The following ACSL1 variants were observed in gnomAD, a reference collection of about 807,000 sequenced individuals.
ACSL1 encodes acyl-CoA synthetase long chain family member 1, also known as long-chain-fatty-acid--CoA ligase 1.
Under a neutral mutation model 98.4 loss-of-function variants are expected in ACSL1, and 41 were observed. That is an observed-to-expected ratio of 0.42 (90% confidence interval 0.32 to 0.54). The LOEUF (loss-of-function observed/expected upper bound fraction) is 0.54, where lower values mean the gene tolerates loss of function less well. Ranked by LOEUF, ACSL1 falls within the 20% of genes least tolerant of loss-of-function variation. The pLI, the probability that ACSL1 is intolerant of heterozygous loss-of-function variation, is 0.13. For synonymous variants in ACSL1, 316 were observed against 322.7 expected (o/e 0.98, Z 0.22); for missense variants, 734 against 883.1 (o/e 0.83, Z 2.14).
intron 1 of ACSL1, among the ~76,000 whole-genome samples, chr4:184,813,111 C>T (rs948727358): frequency 3.9e-5 from 6 of 152,180 alleles, no homozygotes; most frequent in African/African-American, 1.4e-4. Context: ...TCATGTACAT[C>T]CACTTGAGAA....
At position 184,815,491 on chromosome 4, in the gene ACSL1, G is replaced by T. The variant is rs562145391; in HGVS notation, c.-33+10425C>A. On this transcript the variant is annotated intron_variant, in intron 1 of 20. Coordinates refer to ENST00000281455, the MANE Select transcript of ACSL1 (RefSeq NM_001995.5). ...CTGTCCCCTCCAGGACCCAGGCCTG[G>T]GGGGGGAAACTGGGAAGAGTAAGAC... Among the ~76,000 whole-genome samples, 7 of 149,842 alleles carry T rather than the reference G, an allele frequency of 4.7e-5. No homozygotes were observed. The South Asian group carries it at 6.2e-4, about 13-fold the overall frequency.
At chr4:184,815,946 C>T (rs1772590355) in intron 1 of ACSL1, among the ~76,000 whole-genome samples, 1 of 152,026 alleles carries the variant, frequency 6.6e-6, no homozygotes, top group Non-Finnish European at 1.5e-5. Flanking sequence ...CATGGCGAAA[C>T]TCCATCTCTA....
At chr4:184,808,609 T>G in intron 1 of ACSL1, 1 of 590,572 alleles carries the variant, frequency 1.7e-6, no homozygotes, top group Non-Finnish European at 2.1e-6. Context: ...TGTCATTCAC[T>G]AGCTGGGCAG....
At chr4:184,778,898 C>T (rs1205708064) in intron 5 of ACSL1, among the ~76,000 whole-genome samples, 3 of 151,930 alleles carry the variant, frequency 2.0e-5, no homozygotes, top group African/African-American at 7.3e-5. Flanking sequence ...ATGCTGTTTT[C>T]CCCTTGAAAG....
chr4:184,781,613 T>C (rs1766287551), intron 4 of ACSL1, among the ~76,000 whole-genome samples: 1 of 152,028 alleles, frequency 6.6e-6, no homozygotes, highest in Non-Finnish European at 1.5e-5. Context: ...GTTTCTTTCT[T>C]TTTTTTTCTT....
rs746921425 is a variant in ACSL1 at position 184,788,546 on chromosome 4, T to C, written c.310+71A>G. Reference sequence around the variant, plus strand: ...GGCGAAAGATAGGAGCAAATGTGCATTTCTGAAAGGCCACTCGTTCTTCAT... The same window carrying C: ...GGCGAAAGATAGGAGCAAATGTGCACTTCTGAAAGGCCACTCGTTCTTCAT... On this transcript the variant is annotated intron_variant, in intron 3 of 20. Coordinates refer to ENST00000281455, the MANE Select transcript of ACSL1 (RefSeq NM_001995.5). 9 of 1,250,464 alleles carry C rather than the reference T, an allele frequency of 7.2e-6. 1 individual carries two copies. The Admixed American group carries it at 1.2e-4, about 16-fold the overall frequency. 77.5% of individuals were successfully genotyped at this position (1,250,464 alleles called of 1,614,324 possible).
rs34391801 is a variant in ACSL1 at position 184,786,692 on chromosome 4, C to CT, written c.310+1924dup. Among the ~76,000 whole-genome samples the CT allele has an allele frequency of 1.0e-3, 130 of 123,810 alleles. 1 individual carries two copies. The highest frequency in any genetic ancestry group is 2.4e-3 in the African/African-American group (83 of 34,046). 81.2% of individuals were successfully genotyped at this position (123,810 alleles called of 152,430 possible). On this transcript the variant is annotated intron_variant, in intron 3 of 20. Coordinates refer to ENST00000281455, the MANE Select transcript of ACSL1 (RefSeq NM_001995.5). ...TCAAGTAAAAAACAATAGGCACTTT[C>CT]TTTTTTTTTTTTTTTTTTTGAGACG...
At position 184,756,949 on chromosome 4, in the gene ACSL1, G is replaced by A. The variant is rs1337650242; in HGVS notation, c.*176C>T. ...ACATGGTCTGCAACATGAGGTGACTGTAAGGCAGTGTTCTCTTTCCTCTAG... is the reference window on the plus strand; with the variant it reads ...ACATGGTCTGCAACATGAGGTGACTATAAGGCAGTGTTCTCTTTCCTCTAG... On this transcript the variant is annotated 3_prime_UTR_variant, in exon 21 of 21. Transcript: ENST00000281455. 8 of 719,026 alleles carry A rather than the reference G, an allele frequency of 1.1e-5. No homozygotes were observed. Among genetic ancestry groups the A allele is most frequent in the South Asian group, 2.9e-5 (1 of 34,220 alleles). 44.5% of individuals were successfully genotyped at this position (719,026 alleles called of 1,614,324 possible).
rs1045900840 is a variant in ACSL1, at chr4:184,763,353, C to T, written c.1433-98G>A. On this transcript the variant is annotated intron_variant, in intron 15 of 20. Coordinates refer to ENST00000281455, the MANE Select transcript of ACSL1 (RefSeq NM_001995.5). ...CAAACAGGATTCCACATAAGAAAAA[C>T]GGCTGGGATAAACTTCTGATTTCTG... 4.1e-5 allele frequency: 45 copies of T among 1,108,648 alleles called. No individual in the cohort carries two copies. In the African/African-American group the frequency reaches 4.6e-4, roughly 11 times the overall value. 68.7% of individuals were successfully genotyped at this position (1,108,648 alleles called of 1,614,324 possible).
chr4:184,824,257 C>T lies in ACSL1; in HGVS notation c.-33+1659G>A, dbSNP rs150127991. Among the ~76,000 whole-genome samples, 119 of 152,210 alleles carry T rather than the reference C, an allele frequency of 7.8e-4. No homozygotes were observed. In the East Asian group the frequency reaches 0.017, roughly 22 times the overall value. On this transcript the variant is annotated intron_variant, in intron 1 of 20. Transcript: ENST00000281455. ...TCTCCTGGCTCAGCCTCTCGAGTAGCTGGGACTAGAGATGCATGCCACCAC... is the reference window on the plus strand; with the variant it reads ...TCTCCTGGCTCAGCCTCTCGAGTAGTTGGGACTAGAGATGCATGCCACCAC...
chr4:184,780,977 G>A (rs1766148859), intron 4 of ACSL1, among the ~76,000 whole-genome samples: 2 of 151,744 alleles, frequency 1.3e-5, no homozygotes, highest in African/African-American at 4.9e-5. Flanking sequence ...GGTGGTTCAC[G>A]CCTATAATCC....
intron 2 of ACSL1, among the ~76,000 whole-genome samples, chr4:184,800,372 C>T (rs746641383): frequency 6.6e-6 from 1 of 152,166 alleles, no homozygotes; most frequent in Non-Finnish European, 1.5e-5. Flanking sequence ...TTAACTGCAA[C>T]CACGTGTGTC....
chr4:184,810,730 T>C (rs932556467), intron 1 of ACSL1, among the ~76,000 whole-genome samples: 12 of 152,040 alleles, frequency 7.9e-5, no homozygotes, highest in Middle Eastern at 3.4e-3. Flanking sequence ...GCGGATAGGA[T>C]AGGATAGGAT....
chr4:184,803,259 G>GCTCA lies in ACSL1; in HGVS notation c.195+57_195+60dup. ...CTTGATGGCTATCACATTCAACAGG[G>GCTCA]CTCAGCTCATCTGGGGAAATGCGGA... On this transcript the variant is annotated intron_variant, in intron 2 of 20. Coordinates refer to ENST00000281455, the MANE Select transcript of ACSL1 (RefSeq NM_001995.5). The surrounding 1 kb of genome is among the most constrained non-coding windows in gnomAD (Gnocchi z 4.8). 7.2e-7 allele frequency: 1 copy of GCTCA among 1,385,572 alleles called. No homozygotes were observed. Among genetic ancestry groups the GCTCA allele is most frequent in the Non-Finnish European group, 9.7e-7 (1 of 1,033,726 alleles). The allele number at this position is 1,385,572 out of a possible 1,614,324, so 85.8% of individuals were successfully genotyped here. A position where few individuals can be genotyped will look rare whatever the true frequency, so the allele number is the denominator to read the frequency against.
rs59005386 is a variant in ACSL1 at position 184,767,283 on chromosome 4, C to CAA, written c.1129-529_1129-528dup. ...GATGACAGAGAGAGAGACCCTGTCTCAAAAAAAAAAAAAAAAAAGGAATGG... is the reference window on the plus strand; with the variant it reads ...GATGACAGAGAGAGAGACCCTGTCTCAAAAAAAAAAAAAAAAAAAAGGAATGG... On this transcript the variant is annotated intron_variant, in intron 12 of 20. Transcript: ENST00000281455. Among the ~76,000 whole-genome samples the CAA allele has an allele frequency of 3.5e-3, 336 of 95,500 alleles. 1 individual carries two copies. Among genetic ancestry groups the CAA allele is most frequent in the Non-Finnish European group, 5.4e-3 (266 of 49,100 alleles). 62.7% of individuals were successfully genotyped at this position (95,500 alleles called of 152,430 possible).
At chr4:184,774,364 T>C (rs1049153844) in intron 7 of ACSL1, among the ~76,000 whole-genome samples, 3 of 152,188 alleles carry the variant, frequency 2.0e-5, no homozygotes, top group East Asian at 1.9e-4. Context: ...CTCTGCTCGA[T>C]TGAAATGCTA....
rs746847749 is a variant in ACSL1, at chr4:184,803,453, T to C, written c.62A>G (p.Tyr21Cys). The part of the protein sequence containing the change: ...RMPELVDFRQ[Y>C]VRTLPTNTLM... Reference sequence around the variant, plus strand: ...CGTGTTGGTCGGAAGAGTACGCACGTACTGTCGGAAGTCAACCAGCTCTGG... The same window carrying C: ...CGTGTTGGTCGGAAGAGTACGCACGCACTGTCGGAAGTCAACCAGCTCTGG... Residue 21 changes from tyrosine (Y) to cysteine (C), a missense_variant, in exon 2 of 21, where the codon TAC becomes TGC. Physicochemically the swap from Tyr to Cys is radical, Grantham distance 194 (BLOSUM62 -2). Transcript: ENST00000281455. This position sits in a 1 kb window ranked among gnomAD's most constrained non-coding sequence, Gnocchi z 4.8. 12 of 1,613,204 alleles carry C rather than the reference T, an allele frequency of 7.4e-6. No homozygotes were observed. Among genetic ancestry groups the C allele is most frequent in the Non-Finnish European group, 9.3e-6 (11 of 1,179,648 alleles).
intron 1 of ACSL1, among the ~76,000 whole-genome samples, chr4:184,810,268 T>A (rs939720846): frequency 6.6e-6 from 1 of 152,178 alleles, no homozygotes; most frequent in African/African-American, 2.4e-5. Context: ...CAAGGACCCA[T>A]GACTAGGACT....
intron 1 of ACSL1, among the ~76,000 whole-genome samples, chr4:184,822,194 C>G (rs6853210): frequency 0.47 from 71,038 of 151,690 alleles, 17,764 homozygotes; most frequent in African/African-American, 0.66. Flanking sequence ...GGGTCTTGCT[C>G]TGTTGCCCAG....
Sources: gnomAD v4.1 joint callset for allele counts (sites outside exome capture counted in the v4.1 genomes callset) on GRCh38, gnomAD v4.1.1 for gene constraint, Gnocchi (gnomAD v3.1) non-coding constraint, MANE v1.5 for transcripts, NCBI Gene and HGNC (gene_info 2026-07-23, HGNC 2026-07-21) for gene names.